GHR: variants seen among roughly 807,000 people sequenced by gnomAD.
GHR encodes the protein GH receptor.
A neutral mutation model predicts 67.1 loss-of-function variants in GHR; 35 were observed. The observed-to-expected ratio is 0.52, with a 90% CI of 0.40 to 0.69. The LOEUF (loss-of-function observed/expected upper bound fraction) is 0.69, where lower values mean the gene tolerates loss of function less well. Ranked by LOEUF, GHR falls within the 30% of genes least tolerant of loss-of-function variation. GHR has a pLI of 0.00. For missense variants in GHR, 792 were observed against 764.6 expected (o/e 1.04, Z -0.42); for synonymous variants, 272 against 269.1 (o/e 1.01, Z -0.10).
chr5:42,606,254 C>A (rs1752625450), intron 2 of GHR, among the ~76,000 whole-genome samples: 1 of 152,188 alleles, frequency 6.6e-6, no homozygotes, highest in Non-Finnish European at 1.5e-5. Context: ...CATACCCTTT[C>A]AAGCTCCCAG....
chr5:42,712,230 G>C (rs77668657), intron 7 of GHR, among the ~76,000 whole-genome samples: 1 of 151,956 alleles, frequency 6.6e-6, no homozygotes, highest in African/African-American at 2.4e-5. Context: ...ATACTAAATA[G>C]CATTAGGATG....
intron 1 of GHR, among the ~76,000 whole-genome samples, chr5:42,481,421 T>C (rs982758289): frequency 6.6e-6 from 1 of 152,186 alleles, no homozygotes; most frequent in Non-Finnish European, 1.5e-5. Context: ...TTTCCTGAAT[T>C]TGAATGTTGG....
intron 8 of GHR, 50 bp from the exon 9 acceptor site, chr5:42,718,002 G>A (rs1026734660): frequency 2.4e-6 from 2 of 838,020 alleles, no homozygotes; most frequent in Non-Finnish European, 4.2e-6. Flanking sequence ...CTATAATTGA[G>A]AATATGTAGC....
intron 3 of GHR, among the ~76,000 whole-genome samples, chr5:42,649,984 T>A (rs1208280142): frequency 6.6e-6 from 1 of 152,116 alleles, no homozygotes; most frequent in African/African-American, 2.4e-5. Context: ...TAGACTTCAG[T>A]TGGAAGAAAA....
At chr5:42,585,869 G>A (rs2112574506) in intron 2 of GHR, among the ~76,000 whole-genome samples, 1 of 152,242 alleles carries the variant, frequency 6.6e-6, no homozygotes, top group South Asian at 2.1e-4. Flanking sequence ...TAGCATGAAG[G>A]CATAAAGCTG....
In GHR at chr5:42,671,732, G is replaced by A. The variant is rs187194852; in HGVS notation, c.137-17158G>A. On this transcript the variant is annotated intron_variant, in intron 3 of 9. Transcript: ENST00000230882. ...AGCACTTTGGGAGGCCGAGGTGGGC[G>A]GATCACGAGGTCAGGAGATCGAGAC... is the stretch of plus-strand genomic sequence containing the variant. Among the ~76,000 whole-genome samples the A allele has an allele frequency of 9.7e-3, 1,465 of 151,466 alleles. 25 individuals are homozygous for A. The highest frequency in any genetic ancestry group is 0.034 in the African/African-American group (1,390 of 41,354).
chr5:42,605,928 G>A (rs913368448), intron 2 of GHR, among the ~76,000 whole-genome samples: 47 of 152,298 alleles, frequency 3.1e-4, no homozygotes, highest in Non-Finnish European at 4.9e-4. Context: ...CTCCGTCCAG[G>A]GAGAAACTGA....
intron 1 of GHR, among the ~76,000 whole-genome samples, chr5:42,532,606 C>A (rs1244374595): frequency 6.6e-6 from 1 of 152,098 alleles, no homozygotes; most frequent in Non-Finnish European, 1.5e-5. Context: ...TTATATAATT[C>A]TGTTTTATAC....
intron 3 of GHR, among the ~76,000 whole-genome samples, chr5:42,640,729 T>C (rs1754427742): frequency 6.6e-6 from 1 of 151,936 alleles, no homozygotes; most frequent in South Asian, 2.1e-4. Flanking sequence ...GTGTTTCATA[T>C]ATAATAAAAT....
chr5:42,558,679 T>C (rs1386954069), intron 1 of GHR, among the ~76,000 whole-genome samples: 5 of 152,210 alleles, frequency 3.3e-5, no homozygotes, highest in African/African-American at 1.2e-4. Flanking sequence ...CCCAGAGCAA[T>C]AGGCTATCCC....
intron 8 of GHR, among the ~76,000 whole-genome samples, chr5:42,714,395 T>C (rs1426853646): frequency 6.6e-6 from 1 of 152,102 alleles, no homozygotes; most frequent in Non-Finnish European, 1.5e-5. Context: ...GAAAATACGT[T>C]CTCCAGCTGA....
intron 1 of GHR, among the ~76,000 whole-genome samples, chr5:42,555,406 T>G (rs1346882600): frequency 6.6e-6 from 1 of 152,176 alleles, no homozygotes; most frequent in African/African-American, 2.4e-5. Flanking sequence ...CAAATATTAC[T>G]CTGTCTTTTT....
At chr5:42,640,900 G>T (rs1009435898) in intron 3 of GHR, among the ~76,000 whole-genome samples, 4 of 152,124 alleles carry the variant, frequency 2.6e-5, no homozygotes, top group African/African-American at 9.7e-5. Context: ...GCAACAGATA[G>T]CTTAGGTTGT....
chr5:42,603,763 T>C (rs1752490497), intron 2 of GHR, among the ~76,000 whole-genome samples: 1 of 152,226 alleles, frequency 6.6e-6, no homozygotes, highest in Admixed American at 6.5e-5. Flanking sequence ...ACACAACAAG[T>C]AAGCAATCAG....
chr5:42,576,084 TAAAATAAAATAAAATA>T lies in GHR; in HGVS notation c.70+10143_70+10158del, dbSNP rs1561135562. Among the ~76,000 whole-genome samples the T allele has an allele frequency of 2.1e-3, 199 of 95,688 alleles. 4 individuals carry two copies. The highest frequency in any genetic ancestry group is 0.01 in the African/African-American group (181 of 17,576). 62.8% of individuals were successfully genotyped at this position (95,688 alleles called of 152,430 possible). On this transcript the variant is annotated intron_variant, in intron 2 of 9. Coordinates refer to ENST00000230882, the MANE Select transcript of GHR (RefSeq NM_000163.5). ...TAAAATAAAATAAAATAAAATAAAA[TAAAATAAAATAAAATA>T]AATAAAATAAAATAAAATAAAATAA...
At chr5:42,716,707 A>G (rs1561253447) in intron 8 of GHR, among the ~76,000 whole-genome samples, 1 of 152,226 alleles carries the variant, frequency 6.6e-6, no homozygotes. Flanking sequence ...CATCAGTAAC[A>G]ATATGCTTTA....
chr5:42,450,134 G>T (rs1033974933), intron 1 of GHR, among the ~76,000 whole-genome samples: 2 of 152,104 alleles, frequency 1.3e-5, no homozygotes, highest in Admixed American at 6.5e-5. Flanking sequence ...CCAAGTTTAG[G>T]TATTAGGGTG....
At chr5:42,596,079 T>C (rs1349854154) in intron 2 of GHR, among the ~76,000 whole-genome samples, 1 of 152,234 alleles carries the variant, frequency 6.6e-6, no homozygotes, top group African/African-American at 2.4e-5. Context: ...AATAGGCTTA[T>C]CCGCATATGC....
At chr5:42,452,475 A>G (rs888072044) in intron 1 of GHR, among the ~76,000 whole-genome samples, 7 of 152,280 alleles carry the variant, frequency 4.6e-5, no homozygotes, top group Middle Eastern at 3.4e-3. Flanking sequence ...TTCCTTAATT[A>G]TTCCCTTAAA....
Sources: allele counts gnomAD v4.1 joint callset (sites outside exome capture counted in the v4.1 genomes callset), GRCh38; gene constraint gnomAD v4.1.1; transcripts MANE v1.5; gene names NCBI Gene and HGNC (gene_info 2026-07-23, HGNC 2026-07-21).